The following RASSF3 variants were observed in gnomAD, a reference collection of about 807,000 sequenced individuals.
The protein encoded by RASSF3 is ras association domain-containing protein 3.
In RASSF3, 19 loss-of-function variants were observed where a neutral mutation model predicts 19.9. That is an observed-to-expected ratio of 0.96 (90% CI 0.67 to 1.40). The LOEUF (loss-of-function observed/expected upper bound fraction) is 1.40, where lower values mean the gene tolerates loss of function less well. Ranked by LOEUF, RASSF3 falls within the 40% of genes most tolerant of loss-of-function variation. The probability of loss-of-function intolerance (pLI) is 0.00; values close to 1 mark genes in which losing one functional copy is unlikely to be tolerated. For missense variants in RASSF3, 306 were observed against 289.8 expected (o/e 1.06, Z -0.41); for synonymous variants, 110 against 104.2 (o/e 1.06, Z -0.34).
chr12:64,684,524 A>C (rs79489409), intron 1 of RASSF3, among the ~76,000 whole-genome samples: 7,633 of 148,566 alleles, frequency 0.051, 669 homozygotes, highest in African/African-American at 0.18. Context: ...TCTGCCTCTC[A>C]CGTTCAAAGT....
chr12:64,636,813 C>T (rs974253060), intron 1 of RASSF3, among the ~76,000 whole-genome samples: 1 of 146,634 alleles, frequency 6.8e-6, no homozygotes, highest in Non-Finnish European at 1.5e-5. Flanking sequence ...TTGCAGTGAG[C>T]GAAATCGCGC....
chr12:64,549,127 T>G (rs1462564464), intron 2 of RASSF3, among the ~76,000 whole-genome samples: 2 of 152,200 alleles, frequency 1.3e-5, no homozygotes, highest in Non-Finnish European at 2.9e-5. Context: ...TTAGAAGAGA[T>G]ACTGGAAATA....
chr12:64,647,529 G>T (rs1244556448), intron 1 of RASSF3, among the ~76,000 whole-genome samples: 1 of 151,352 alleles, frequency 6.6e-6, no homozygotes, highest in Non-Finnish European at 1.5e-5. Flanking sequence ...TCCTGTCTCA[G>T]TCTCCAGAGT....
At chr12:64,543,434 CCCCCCCCGTGCCCGCCCG>C (rs1461652719), downstream of RASSF3, among the ~76,000 whole-genome samples, 48 of 59,534 alleles carry the variant, frequency 8.1e-4, no homozygotes, top group African/African-American at 3.2e-3. Context: ...TCCCCGCCCG[CCCCCCCCGTGCCCGCCCG>C]CCCCCCGCTC....
chr12:64,658,202 C>T (rs567749690), intron 1 of RASSF3, among the ~76,000 whole-genome samples: 2 of 152,082 alleles, frequency 1.3e-5, no homozygotes, highest in Admixed American at 1.3e-4. Context: ...GACTTGATAC[C>T]CACAGACATA....
intron 1 of RASSF3, among the ~76,000 whole-genome samples, chr12:64,664,139 C>T (rs1872469160): frequency 6.6e-6 from 1 of 152,112 alleles, no homozygotes; most frequent in South Asian, 2.1e-4. Flanking sequence ...GATTTACATA[C>T]TTCATTCTCC....
intron 1 of RASSF3, among the ~76,000 whole-genome samples, chr12:64,654,551 T>TC (rs1326539550): frequency 6.7e-6 from 1 of 148,578 alleles, no homozygotes; most frequent in African/African-American, 2.5e-5. Flanking sequence ...CTGCCTGCAA[T>TC]CTCAGCATTT....
intron 2 of RASSF3, among the ~76,000 whole-genome samples, chr12:64,581,799 TG>T (rs1425903456): frequency 7.5e-5 from 11 of 147,396 alleles, no homozygotes; most frequent in Middle Eastern, 7.0e-3. Flanking sequence ...CTTTTTTTTT[TG>T]TTTTTCTTTT....
chr12:64,564,701 A>G (rs1869399935), intron 2 of RASSF3, among the ~76,000 whole-genome samples: 1 of 152,036 alleles, frequency 6.6e-6, no homozygotes, highest in Non-Finnish European at 1.5e-5. Context: ...ACATTTCTAC[A>G]AGCTGCCATC....
chr12:64,559,254 T>C (rs1324733451), intron 2 of RASSF3, among the ~76,000 whole-genome samples: 1 of 150,360 alleles, frequency 6.7e-6, no homozygotes, highest in African/African-American at 2.4e-5. Context: ...TTCTTTTTTT[T>C]TTTTTTTGAG....
chr12:64,523,826 G>C (rs1385529570), intron 1 of RASSF3, among the ~76,000 whole-genome samples: 2 of 151,378 alleles, frequency 1.3e-5, no homozygotes, highest in Admixed American at 1.3e-4. Context: ...TCCCACCTCA[G>C]CTTCCCGAGT....
chr12:64,544,325 C>G (rs149285915), downstream of RASSF3, among the ~76,000 whole-genome samples: 157 of 152,208 alleles, frequency 1.0e-3, no homozygotes, highest in African/African-American at 3.7e-3. Context: ...ACTGTGCTAG[C>G]GAGACCACGA....
At chr12:64,617,809 G>A (rs570134627) in intron 1 of RASSF3, among the ~76,000 whole-genome samples, 5 of 152,138 alleles carry the variant, frequency 3.3e-5, no homozygotes, top group Non-Finnish European at 5.9e-5. Flanking sequence ...TGCCCGCCTC[G>A]GCCTCCCAAA....
rs563793996 is a variant in RASSF3 at position 64,536,969 on chromosome 12, T to A, written c.67+3635T>A. Among the ~76,000 whole-genome samples the A allele has an allele frequency of 5.3e-5, 8 of 152,302 alleles. No individual in the cohort carries two copies. The East Asian group carries it at 1.3e-3, about 26-fold the overall frequency. ...ACCTCTCATTTACTTCAAGGCGAGG[T>A]CTCTTTGCCCCTAGACTTCCTGACG... On this transcript the variant is annotated intron_variant, in intron 1 of 1. Transcript: ENST00000636333.
intron 2 of RASSF3, among the ~76,000 whole-genome samples, chr12:64,570,083 T>C (rs181624286): frequency 6.6e-6 from 1 of 152,336 alleles, no homozygotes; most frequent in Admixed American, 6.5e-5. Context: ...TGAACAACTG[T>C]GGCTCACTCT....
At chr12:64,641,823 A>G (rs1186034728) in intron 1 of RASSF3, among the ~76,000 whole-genome samples, 2 of 149,124 alleles carry the variant, frequency 1.3e-5, no homozygotes, top group African/African-American at 5.0e-5. Context: ...GCTCACTGCA[A>G]CCTCTGCCTC....
chr12:64,532,493 G>A (rs2136110278), upstream of RASSF3, among the ~76,000 whole-genome samples: 1 of 152,230 alleles, frequency 6.6e-6, no homozygotes, highest in African/African-American at 2.4e-5. Context: ...TTACTATGGT[G>A]CTGAGTAACA....
intron 3 of RASSF3, among the ~76,000 whole-genome samples, chr12:64,689,853 T>G (rs1488165910): frequency 7.4e-6 from 1 of 135,504 alleles, no homozygotes; most frequent in Admixed American, 8.5e-5. Flanking sequence ...AGTGGCGCAA[T>G]CTTGGCTCAC....
At chr12:64,683,698 G>A (rs375287256) in intron 1 of RASSF3, among the ~76,000 whole-genome samples, 2 of 152,304 alleles carry the variant, frequency 1.3e-5, no homozygotes, top group East Asian at 3.9e-4. Flanking sequence ...GTTAATACAA[G>A]TTGCTAAAGA....
Sources: gnomAD v4.1 joint callset for allele counts (sites outside exome capture counted in the v4.1 genomes callset) on GRCh38, gnomAD v4.1.1 for gene constraint, MANE v1.5 for transcripts, NCBI Gene and HGNC (gene_info 2026-07-23, HGNC 2026-07-21) for gene names.